Variants in GRIN2B observed in about 807,000 individuals in gnomAD.
The protein encoded by GRIN2B is glutamate ionotropic receptor NMDA type subunit 2B.
A neutral mutation model predicts 114.5 loss-of-function variants in GRIN2B; 5 were observed. The ratio of observed to expected loss-of-function variants is 0.04; its 90% CI spans 0.02 to 0.09. The LOEUF (loss-of-function observed/expected upper bound fraction) is 0.09, where lower values mean the gene tolerates loss of function less well. Ranked by LOEUF, GRIN2B falls within the 10% of genes least tolerant of loss-of-function variation. GRIN2B has a pLI of 1.00. For synonymous variants in GRIN2B, 787 were observed against 745.1 expected (o/e 1.06, Z -0.92); for missense variants, 1,108 against 1,943.5 (o/e 0.57, Z 8.08).
intron 2 of GRIN2B, among the ~76,000 whole-genome samples, chr12:13,896,092 T>C (rs762577067): frequency 6.6e-6 from 1 of 152,114 alleles, no homozygotes; most frequent in Non-Finnish European, 1.5e-5. Context: ...GATAACAAAA[T>C]AGAAAATAAA....
chr12:13,829,017 C>T (rs1865102058), intron 3 of GRIN2B, among the ~76,000 whole-genome samples: 1 of 152,148 alleles, frequency 6.6e-6, no homozygotes. Context: ...CTGCTCTACA[C>T]TTCCATACTG....
intron 3 of GRIN2B, among the ~76,000 whole-genome samples, chr12:13,816,518 T>C (rs1292270755): frequency 1.3e-5 from 2 of 152,150 alleles, no homozygotes; most frequent in Non-Finnish European, 2.9e-5. Context: ...GCAGGCTTTT[T>C]TGGAGCCCAT....
At chr12:13,959,397 T>A (rs548453037) in intron 2 of GRIN2B, among the ~76,000 whole-genome samples, 1 of 152,290 alleles carries the variant, frequency 6.6e-6, no homozygotes, top group East Asian at 1.9e-4. Context: ...AATTTCCTTT[T>A]GCTAATAAGC....
At chr12:13,919,691 T>A (rs1304814864) in intron 2 of GRIN2B, among the ~76,000 whole-genome samples, 1 of 152,120 alleles carries the variant, frequency 6.6e-6, no homozygotes, top group Non-Finnish European at 1.5e-5. Context: ...TAGGGAAGCA[T>A]CCAAATGAAC....
At position 13,540,844 on chromosome 12, in the gene GRIN2B, A is replaced by G. The variant is rs1361385379; in HGVS notation, c.*21939T>C. On this transcript the variant is annotated 3_prime_UTR_variant, in exon 14 of 14. Coordinates refer to ENST00000609686, the MANE Select transcript of GRIN2B (RefSeq NM_000834.5). ...GGAGTGTGGAGTCTGGGCCTCGCAG[A>G]GCTGAGGCAAGCCTGAGTCGTCGGT... 1.3e-5 allele frequency: 2 copies of G among 152,226 alleles called. No homozygotes were observed. Among genetic ancestry groups the G allele is most frequent in the African/African-American group, 4.8e-5 (2 of 41,438 alleles). 9.4% of individuals were successfully genotyped at this position (152,226 alleles called of 1,614,324 possible). A position where few individuals can be genotyped will look rare whatever the true frequency, so the allele number is the denominator to read the frequency against.
At position 13,562,602 on chromosome 12, in the gene GRIN2B, T is replaced by C. The variant is rs1948559731; in HGVS notation, c.*181A>G. The C allele has an allele frequency of 1.8e-5, 11 of 623,302 alleles. No homozygotes were observed. The South Asian group carries it at 1.9e-4, about 11-fold the overall frequency. 38.6% of individuals were successfully genotyped at this position (623,302 alleles called of 1,614,324 possible). A position where few individuals can be genotyped will look rare whatever the true frequency, so the allele number is the denominator to read the frequency against. On this transcript the variant is annotated 3_prime_UTR_variant, in exon 14 of 14. Coordinates refer to ENST00000609686, the MANE Select transcript of GRIN2B (RefSeq NM_000834.5). Reference sequence around the variant, plus strand: ...AGAGAACTGTGAAAAGGAGGAGAGATGGTGCTGGTCACCAGGGTTGCCCCC... The same window carrying C: ...AGAGAACTGTGAAAAGGAGGAGAGACGGTGCTGGTCACCAGGGTTGCCCCC...
At chr12:13,745,688 A>G (rs542116367) in intron 4 of GRIN2B, among the ~76,000 whole-genome samples, 1 of 152,338 alleles carries the variant, frequency 6.6e-6, no homozygotes, top group Admixed American at 6.5e-5. Context: ...TTAGATGAGC[A>G]CTAAAGACTC....
rs1948287288 is a variant in GRIN2B at position 13,542,261 on chromosome 12, G to A, written c.*20522C>T. On this transcript the variant is annotated 3_prime_UTR_variant, in exon 14 of 14. Transcript: ENST00000609686. Reference sequence around the variant, plus strand: ...CTTTTTATTTGATTTTTTTTTTAAAGATGAACAAGGAGTAAGGTAAGTAAG... The same window carrying A: ...CTTTTTATTTGATTTTTTTTTTAAAAATGAACAAGGAGTAAGGTAAGTAAG... 6.6e-6 allele frequency: 1 copy of A among 151,686 alleles called. No homozygotes were observed. The highest frequency in any genetic ancestry group is 2.4e-5 in the African/African-American group (1 of 41,240). 9.4% of individuals were successfully genotyped at this position (151,686 alleles called of 1,614,324 possible).
chr12:13,797,312 T>G (rs2193507), intron 3 of GRIN2B, among the ~76,000 whole-genome samples: 148,265 of 152,122 alleles, frequency 0.97, 72,363 homozygotes, highest in Middle Eastern at 1. Context: ...CCTCCCAAAT[T>G]CCCCACCCCC....
intron 3 of GRIN2B, among the ~76,000 whole-genome samples, chr12:13,758,062 C>G (rs1429281752): frequency 6.6e-6 from 1 of 152,202 alleles, no homozygotes; most frequent in Non-Finnish European, 1.5e-5. Context: ...AAAGCCATAT[C>G]CGTTTCCTGG....
intron 3 of GRIN2B, among the ~76,000 whole-genome samples, chr12:13,781,894 C>T (rs565881215): frequency 1.3e-5 from 2 of 152,214 alleles, no homozygotes; most frequent in African/African-American, 4.8e-5. Flanking sequence ...CCTTAAGGTT[C>T]CTTCTAAGAC....
chr12:13,787,177 C>A (rs146095958), intron 3 of GRIN2B, among the ~76,000 whole-genome samples: 1 of 152,208 alleles, frequency 6.6e-6, no homozygotes, highest in South Asian at 2.1e-4. Context: ...GAGAAGTGGC[C>A]ACTGAATATT....
intron 2 of GRIN2B, among the ~76,000 whole-genome samples, chr12:13,922,168 T>C (rs968794401): frequency 6.6e-6 from 1 of 152,180 alleles, no homozygotes. Context: ...GTGTAAAATA[T>C]GCTTAGGTTA....
intron 3 of GRIN2B, among the ~76,000 whole-genome samples, chr12:13,837,854 G>C (rs1865304348): frequency 6.6e-6 from 1 of 152,068 alleles, no homozygotes; most frequent in Non-Finnish European, 1.5e-5. Context: ...GAGAGGAAGG[G>C]GTTATAGCTG....
intron 3 of GRIN2B, among the ~76,000 whole-genome samples, chr12:13,755,568 G>A (rs1863562340): frequency 6.6e-6 from 1 of 152,120 alleles, no homozygotes; most frequent in Admixed American, 6.5e-5. Context: ...GGAGGGTGAG[G>A]CACCAAGAAT....
At chr12:13,824,043 G>A (rs1864986259) in intron 3 of GRIN2B, among the ~76,000 whole-genome samples, 1 of 152,056 alleles carries the variant, frequency 6.6e-6, no homozygotes. Flanking sequence ...ATTAACTAAT[G>A]TTTTTTGAAG....
chr12:13,550,794 C>T lies in GRIN2B; in HGVS notation c.*11989G>A, dbSNP rs923094190. On this transcript the variant is annotated 3_prime_UTR_variant, in exon 14 of 14. Transcript: ENST00000609686. ...GCTCGAGTTTGGAAACATTAAGTAC[C>T]ATGCACGTGTTCGAGCTCTGTGCTC... 1 of 152,162 alleles carries T rather than the reference C, an allele frequency of 6.6e-6. No homozygotes were observed. The highest frequency in any genetic ancestry group is 2.4e-5 in the African/African-American group (1 of 41,434). 9.4% of individuals were successfully genotyped at this position (152,162 alleles called of 1,614,324 possible).
At chr12:13,929,215 G>A (rs557758567) in intron 2 of GRIN2B, among the ~76,000 whole-genome samples, 28 of 152,260 alleles carry the variant, frequency 1.8e-4, no homozygotes, top group African/African-American at 6.5e-4. Context: ...ATACCTAAAT[G>A]GGAGACCGGC....
chr12:13,827,598 G>C (rs898683154), intron 3 of GRIN2B, among the ~76,000 whole-genome samples: 1 of 149,720 alleles, frequency 6.7e-6, no homozygotes, highest in Non-Finnish European at 1.5e-5. Context: ...GTTCCACTGA[G>C]TCATTTAAAA....
Sources: allele counts gnomAD v4.1 joint callset (sites outside exome capture counted in the v4.1 genomes callset), GRCh38; gene constraint gnomAD v4.1.1; transcripts MANE v1.5; gene names NCBI Gene and HGNC (gene_info 2026-07-23, HGNC 2026-07-21).